The following HMGCLL1 variants were observed in gnomAD, a reference collection of about 807,000 sequenced individuals.
HMGCLL1 encodes the protein 3-hydroxymethyl-3-methylglutaryl-CoA lyase, cytoplasmic.
In HMGCLL1, 36 loss-of-function variants were observed where a neutral mutation model predicts 39.1. That is an observed-to-expected ratio of 0.92 (90% CI 0.71 to 1.22). The LOEUF (loss-of-function observed/expected upper bound fraction) is 1.22. Ranked by LOEUF, HMGCLL1 falls within the 50% of genes most tolerant of loss-of-function variation. The pLI, the probability that HMGCLL1 is intolerant of heterozygous loss-of-function variation, is 0.00. For missense variants in HMGCLL1, 451 were observed against 416.5 expected, an observed-to-expected ratio of 1.08 and a Z score of -0.72; for synonymous variants, 149 against 144.0, an observed-to-expected ratio of 1.03 and a Z score of -0.25.
chr6:55,498,549 A>C (rs12191587), intron 6 of HMGCLL1, among the ~76,000 whole-genome samples: 102,594 of 151,898 alleles, frequency 0.68, 34,665 homozygotes, highest in Non-Finnish European at 0.7. Flanking sequence ...TCAAAAATTA[A>C]TAAATTTGTC....
chr6:55,520,407 C>T (rs1347317435), intron 3 of HMGCLL1, among the ~76,000 whole-genome samples: 2 of 151,656 alleles, frequency 1.3e-5, no homozygotes, highest in South Asian at 2.1e-4. Flanking sequence ...CCAAAAAAAT[C>T]ACTACTTTTA....
intron 7 of HMGCLL1, among the ~76,000 whole-genome samples, chr6:55,460,425 A>G (rs1249366868): frequency 6.6e-6 from 1 of 151,970 alleles, no homozygotes; most frequent in East Asian, 1.9e-4. Flanking sequence ...AACTCATAGA[A>G]AGCACTAAAG....
chr6:55,540,938 G>C (rs1769400254), intron 3 of HMGCLL1, among the ~76,000 whole-genome samples: 4 of 152,148 alleles, frequency 2.6e-5, no homozygotes, highest in Admixed American at 2.0e-4. Flanking sequence ...AAAGATGTCA[G>C]AGATGACAGA....
chr6:55,579,172 T>C lies in HMGCLL1; in HGVS notation c.-117A>G, dbSNP rs537191626. On this transcript the variant is annotated 5_prime_UTR_variant, in exon 1 of 9. Coordinates refer to ENST00000274901, the MANE Select transcript of HMGCLL1 (RefSeq NM_001042406.2). ...GCGCGCCCCTCCGGTGCACTGGCTG[T>C]GAGGACCAGAGCTGTTCTGCGCACT... 422 of 775,714 alleles carry C rather than the reference T, an allele frequency of 5.4e-4. 4 individuals carry two copies. In the South Asian group the frequency reaches 6.4e-3, roughly 12 times the overall value. The allele number at this position is 775,714 out of a possible 1,614,324, so 48.1% of individuals were successfully genotyped here. A position where few individuals can be genotyped will look rare whatever the true frequency, so the allele number is the denominator to read the frequency against.
At chr6:55,661,083 T>C in the HMGCLL1 span, among the ~76,000 whole-genome samples, 1 of 152,016 alleles carries the variant, frequency 6.6e-6, no homozygotes, top group Admixed American at 6.6e-5. Flanking sequence ...TCTTGTATAT[T>C]TGTTTAAGTT....
At chr6:55,650,230 A>T in the HMGCLL1 span, among the ~76,000 whole-genome samples, 1 of 147,922 alleles carries the variant, frequency 6.8e-6, no homozygotes, top group Admixed American at 6.8e-5. Context: ...GATAATGTTG[A>T]TGCTTATAAA....
chr6:55,542,225 G>A, intron 1 of HMGCLL1, 85 bp from the exon 2 acceptor site: 2 of 755,668 alleles, frequency 2.6e-6, no homozygotes, highest in South Asian at 1.7e-5. Context: ...ACTGCACTTT[G>A]TTATACTCTT....
intron 5 of HMGCLL1, among the ~76,000 whole-genome samples, chr6:55,509,361 A>C (rs1158228143): frequency 6.6e-6 from 1 of 151,868 alleles, no homozygotes; most frequent in African/African-American, 2.4e-5. Context: ...GCTAGCTACT[A>C]GTCACAGTGT....
At chr6:55,545,159 G>A (rs1428347332) in intron 1 of HMGCLL1, among the ~76,000 whole-genome samples, 1 of 149,834 alleles carries the variant, frequency 6.7e-6, no homozygotes, top group East Asian at 2.0e-4. Context: ...ACAACAATTA[G>A]CTTGGCACAT....
intron 1 of HMGCLL1, chr6:55,566,425 C>G (rs1401652396): frequency 1.1e-5 from 3 of 270,636 alleles, no homozygotes; most frequent in Non-Finnish European, 2.3e-5. Flanking sequence ...TTTCTGCCAT[C>G]TGTATTTCTC....
At chr6:55,556,358 C>G (rs1161157391) in intron 1 of HMGCLL1, among the ~76,000 whole-genome samples, 1 of 152,104 alleles carries the variant, frequency 6.6e-6, no homozygotes, top group Non-Finnish European at 1.5e-5. Flanking sequence ...GTGGGGATGA[C>G]TGCAAAGCTA....
the HMGCLL1 span, among the ~76,000 whole-genome samples, chr6:55,672,460 TC>T: frequency 2.2e-3 from 327 of 151,956 alleles, 1 homozygote; most frequent in African/African-American, 7.2e-3. Context: ...TAACCTGCTT[TC>T]CTAACCTATA....
chr6:55,460,514 T>C (rs2127395349), intron 7 of HMGCLL1, among the ~76,000 whole-genome samples: 1 of 152,048 alleles, frequency 6.6e-6, no homozygotes, highest in East Asian at 1.9e-4. Context: ...ATGTTTATTA[T>C]GCAAGAAATC....
the HMGCLL1 span, among the ~76,000 whole-genome samples, chr6:55,602,883 T>G: frequency 1.3e-5 from 2 of 152,106 alleles, no homozygotes; most frequent in Non-Finnish European, 1.5e-5. Flanking sequence ...AGGCATGTAA[T>G]TTTTTCTAAA....
At chr6:55,562,488 T>G (rs943392592) in intron 1 of HMGCLL1, among the ~76,000 whole-genome samples, 1 of 152,136 alleles carries the variant, frequency 6.6e-6, no homozygotes, top group Non-Finnish European at 1.5e-5. Flanking sequence ...GGTAAAGGCC[T>G]CAACATCTGT....
At chr6:55,640,500 T>A in the HMGCLL1 span, among the ~76,000 whole-genome samples, 27 of 151,696 alleles carry the variant, frequency 1.8e-4, no homozygotes, top group Non-Finnish European at 2.9e-4. Flanking sequence ...TATTAATTAA[T>A]TAGTTAATTA....
intron 1 of HMGCLL1, among the ~76,000 whole-genome samples, chr6:55,550,770 C>T (rs868201384): frequency 1.3e-5 from 2 of 151,572 alleles, no homozygotes; most frequent in Admixed American, 6.6e-5. Flanking sequence ...CAATTTTGCA[C>T]CCCAAGGGAC....
At chr6:55,631,314 T>C in the HMGCLL1 span, among the ~76,000 whole-genome samples, 1 of 152,136 alleles carries the variant, frequency 6.6e-6, no homozygotes, top group East Asian at 1.9e-4. Flanking sequence ...TTTTTTTATA[T>C]GCATAGTTGT....
intron 1 of HMGCLL1, among the ~76,000 whole-genome samples, chr6:55,565,305 A>G (rs1162494297): frequency 6.6e-6 from 1 of 152,060 alleles, no homozygotes; most frequent in Non-Finnish European, 1.5e-5. Context: ...AAACTCTAAG[A>G]GTTCAAAAAT....
Sources: allele counts gnomAD v4.1 joint callset (sites outside exome capture counted in the v4.1 genomes callset), GRCh38; gene constraint gnomAD v4.1.1; transcripts MANE v1.5; gene names NCBI Gene and HGNC (gene_info 2026-07-23, HGNC 2026-07-21).